The following BCKDHB variants were observed in gnomAD, a reference collection of about 807,000 sequenced individuals.
The protein encoded by BCKDHB is branched chain keto acid dehydrogenase E1 subunit beta.
A neutral mutation model predicts 48.5 loss-of-function variants in BCKDHB; 41 were observed. That is an observed-to-expected ratio of 0.85 (90% CI 0.66 to 1.10). The LOEUF is 1.10. BCKDHB is among the 50% of genes least tolerant of loss of function. The pLI is 0.00. For synonymous variants in BCKDHB, 201 were observed against 174.8 expected (o/e 1.15, Z -1.18); for missense variants, 496 against 494.2 (o/e 1.00, Z -0.03).
rs1358781690 is a variant in BCKDHB at position 80,106,833 on chromosome 6, A to T, written c.140A>T (p.Gln47Leu). ...HPAATVEDAA[Q>L]RRQVAHFTFQ... Reference sequence around the variant, plus strand: ...GCCGCGACTGTCGAGGATGCGGCCCAGAGGCGGCAGGTGGCTCATTTTACT... The same window carrying T: ...GCCGCGACTGTCGAGGATGCGGCCCTGAGGCGGCAGGTGGCTCATTTTACT... The change falls in exon 1 of 10, where the codon CAG (glutamine) becomes CTG (leucine). Residue 47 changes from glutamine to leucine, a missense_variant. Gln to Leu is a moderately radical substitution (Grantham distance 113). Transcript: ENST00000320393. 1.2e-6 allele frequency: 2 copies of T among 1,610,168 alleles called. No individual in the cohort carries two copies. Among genetic ancestry groups the T allele is most frequent in the Non-Finnish European group, 1.7e-6 (2 of 1,178,902 alleles).
chr6:80,420,448 A>T, the BCKDHB span, among the ~76,000 whole-genome samples: 5 of 152,176 alleles, frequency 3.3e-5, no homozygotes, highest in African/African-American at 1.2e-4. Context: ...GCCTGGTGCT[A>T]AGAGCATCCT....
intron 8 of BCKDHB, chr6:80,251,798 A>T (rs1776850686): frequency 6.6e-6 from 1 of 152,184 alleles, no homozygotes. Context: ...GTAGGGATTT[A>T]AGTTATTAAG....
At chr6:80,296,995 G>A (rs1461426559) in intron 9 of BCKDHB, among the ~76,000 whole-genome samples, 5 of 152,072 alleles carry the variant, frequency 3.3e-5, no homozygotes, top group South Asian at 2.1e-4. Context: ...GTGTTATAGC[G>A]TTAACTCTTA....
At chr6:80,424,663 A>G in the BCKDHB span, among the ~76,000 whole-genome samples, 1 of 152,184 alleles carries the variant, frequency 6.6e-6, no homozygotes, top group African/African-American at 2.4e-5. Flanking sequence ...TGATACATTG[A>G]CACCTCATGT....
At chr6:80,419,689 T>C in the BCKDHB span, among the ~76,000 whole-genome samples, 1 of 152,170 alleles carries the variant, frequency 6.6e-6, no homozygotes. Context: ...TTCCTGCTGA[T>C]TTCCAGAGGT....
intron 8 of BCKDHB, among the ~76,000 whole-genome samples, chr6:80,233,220 C>T (rs1024121341): frequency 3.3e-5 from 5 of 152,064 alleles, no homozygotes; most frequent in South Asian, 2.1e-4. Context: ...ATTCCAGGAA[C>T]GGATAAAAAT....
At chr6:80,434,647 T>A in the BCKDHB span, among the ~76,000 whole-genome samples, 1 of 152,224 alleles carries the variant, frequency 6.6e-6, no homozygotes, top group East Asian at 1.9e-4. Flanking sequence ...TTTGTAGAAT[T>A]CTTTTTCAGC....
the BCKDHB span, among the ~76,000 whole-genome samples, chr6:80,358,283 A>T: frequency 4.9e-4 from 74 of 152,296 alleles, no homozygotes; most frequent in African/African-American, 1.7e-3. Context: ...TGTATACAGT[A>T]AATATACACA....
intron 3 of BCKDHB, among the ~76,000 whole-genome samples, chr6:80,150,367 G>A (rs915618795): frequency 6.6e-6 from 1 of 152,022 alleles, no homozygotes; most frequent in Non-Finnish European, 1.5e-5. Flanking sequence ...AAGATTGGTT[G>A]AATGAATGAA....
At chr6:80,326,048 T>C (rs1769015862) in intron 9 of BCKDHB, among the ~76,000 whole-genome samples, 1 of 152,200 alleles carries the variant, frequency 6.6e-6, no homozygotes, top group Non-Finnish European at 1.5e-5. Context: ...AGTTAATGTG[T>C]CAATACTGGT....
At chr6:80,325,190 A>T (rs989120740) in intron 9 of BCKDHB, among the ~76,000 whole-genome samples, 3 of 152,200 alleles carry the variant, frequency 2.0e-5, no homozygotes, top group African/African-American at 7.2e-5. Flanking sequence ...TAGATCAAAC[A>T]TGGTTTATTA....
intron 9 of BCKDHB, among the ~76,000 whole-genome samples, chr6:80,330,310 A>G (rs1769258742): frequency 1.3e-5 from 2 of 152,198 alleles, no homozygotes; most frequent in Non-Finnish European, 2.9e-5. Context: ...AAAAGCATCC[A>G]CACCCTACTT....
chr6:80,372,075 A>G, the BCKDHB span, among the ~76,000 whole-genome samples: 10 of 152,128 alleles, frequency 6.6e-5, no homozygotes, highest in African/African-American at 2.2e-4. Flanking sequence ...TTTTGGCAGT[A>G]TGGTCATTTT....
At chr6:80,199,668 T>C (rs1300861720) in intron 6 of BCKDHB, among the ~76,000 whole-genome samples, 2 of 149,718 alleles carry the variant, frequency 1.3e-5, no homozygotes, top group Non-Finnish European at 3.0e-5. Flanking sequence ...TCCCAGCTAC[T>C]TGAGAGTCTG....
At chr6:80,339,469 T>C (rs1283493027) in intron 9 of BCKDHB, among the ~76,000 whole-genome samples, 1 of 152,214 alleles carries the variant, frequency 6.6e-6, no homozygotes, top group African/African-American at 2.4e-5. Flanking sequence ...CAAATGAAGA[T>C]ATTTTGCCTG....
At chr6:80,220,961 C>T (rs1268782227) in intron 8 of BCKDHB, among the ~76,000 whole-genome samples, 1 of 152,038 alleles carries the variant, frequency 6.6e-6, no homozygotes, top group East Asian at 1.9e-4. Flanking sequence ...TCTCTAACTC[C>T]TCACCTTGTG....
chr6:80,300,289 C>T (rs552943403), intron 9 of BCKDHB, among the ~76,000 whole-genome samples: 2 of 149,846 alleles, frequency 1.3e-5, no homozygotes, highest in East Asian at 2.0e-4. Context: ...TGGGCTCAAG[C>T]GATCCACACA....
chr6:80,466,425 TGCTG>T, the BCKDHB span, among the ~76,000 whole-genome samples: 1 of 152,150 alleles, frequency 6.6e-6, no homozygotes, highest in Admixed American at 6.6e-5. Context: ...GGTAAGTAAA[TGCTG>T]ACACCTTGCC....
At chr6:80,222,301 C>A (rs1369953112) in intron 8 of BCKDHB, among the ~76,000 whole-genome samples, 1 of 152,102 alleles carries the variant, frequency 6.6e-6, no homozygotes. Flanking sequence ...TGTTGGGCAA[C>A]ATGATTAATG....
Sources: gnomAD v4.1 joint callset for allele counts (sites outside exome capture counted in the v4.1 genomes callset) on GRCh38, gnomAD v4.1.1 for gene constraint, MANE v1.5 for transcripts, NCBI Gene and HGNC (gene_info 2026-07-23, HGNC 2026-07-21) for gene names.